Variants in SP3 observed in about 807,000 individuals in gnomAD.
SP3 encodes Sp3 transcription factor.
SP3 carries 10 observed loss-of-function variants against 70.3 expected under a neutral mutation model. That is an observed-to-expected ratio of 0.14 (90% CI 0.09 to 0.24). SP3 has a LOEUF of 0.24. Ranked by LOEUF, SP3 falls within the 10% of genes least tolerant of loss-of-function variation. SP3 has a pLI of 1.00. For synonymous variants in SP3, 402 were observed against 333.5 expected, an observed-to-expected ratio of 1.21 and a Z score of -2.24; for missense variants, 825 against 914.6, an observed-to-expected ratio of 0.90 and a Z score of 1.26.
At chr2:173,912,727 G>A (rs965729274) in intron 6 of SP3, among the ~76,000 whole-genome samples, 6 of 145,214 alleles carry the variant, frequency 4.1e-5, no homozygotes, top group Non-Finnish European at 9.3e-5. Flanking sequence ...ACAGTGTTAA[G>A]AGGAAAGAAA....
At chr2:173,918,373 T>G (rs1325328845) in intron 5 of SP3, among the ~76,000 whole-genome samples, 3 of 152,132 alleles carry the variant, frequency 2.0e-5, no homozygotes, top group African/African-American at 7.2e-5. Context: ...GCTGTACTAT[T>G]TTTGAAACAG....
intron 2 of SP3, chr2:173,964,202 G>A (rs1343131127): frequency 1.3e-5 from 6 of 467,926 alleles, no homozygotes; most frequent in Non-Finnish European, 1.9e-5. Context: ...CGCACAAAAA[G>A]GCGGCAGGCG....
Position 173,904,566 on chromosome 2 carries a change from TTGAA to T in SP3, c.*5371_*5374del, listed in dbSNP as rs1272778212. On this transcript the variant is annotated 3_prime_UTR_variant, in exon 7 of 7. Coordinates refer to ENST00000310015, the MANE Select transcript of SP3 (RefSeq NM_003111.5). ...AAGCCATTTTCTTTTTCTTCTGGGGTTGAATGTCATCTTTGCTTTCTCTGCCTCC... is the reference window on the plus strand; with the variant it reads ...AAGCCATTTTCTTTTTCTTCTGGGGTTGTCATCTTTGCTTTCTCTGCCTCC... 6.6e-6 allele frequency among the ~76,000 whole-genome samples: 1 copy of T among 152,132 alleles called. No homozygotes were observed. Among genetic ancestry groups the T allele is most frequent in the Admixed American group, 6.5e-5 (1 of 15,276 alleles).
chr2:173,919,528 T>C (rs559649017), intron 4 of SP3, among the ~76,000 whole-genome samples: 2 of 152,270 alleles, frequency 1.3e-5, no homozygotes, highest in East Asian at 3.9e-4. Flanking sequence ...CTAGTTATTC[T>C]TAGAAATCCA....
At chr2:173,962,160 G>C (rs959699618) in intron 3 of SP3, among the ~76,000 whole-genome samples, 1 of 152,004 alleles carries the variant, frequency 6.6e-6, no homozygotes, top group Non-Finnish European at 1.5e-5. Flanking sequence ...GGCTAAGGTT[G>C]GAGACAGTAT....
At chr2:173,954,622 AAAATT>A (rs1219803523) in intron 4 of SP3, among the ~76,000 whole-genome samples, 1 of 152,214 alleles carries the variant, frequency 6.6e-6, no homozygotes, top group Non-Finnish European at 1.5e-5. Context: ...AAACAAATAT[AAAATT>A]AAGAAAAAAC....
intron 3 of SP3, among the ~76,000 whole-genome samples, chr2:173,961,651 T>A (rs965575920): frequency 6.6e-6 from 1 of 152,212 alleles, no homozygotes; most frequent in African/African-American, 2.4e-5. Flanking sequence ...TTCTATAAAT[T>A]TAAAATTATT....
Position 173,955,958 on chromosome 2 carries a change from T to C in SP3, c.554A>G (p.Gln185Arg), listed in dbSNP as rs1364534537. 1 of 1,614,210 alleles carries C rather than the reference T, an allele frequency of 6.2e-7. No homozygotes were observed. The highest frequency in any genetic ancestry group is 1.7e-5 in the Admixed American group (1 of 60,026). Residue 185 changes from glutamine (Q) to arginine (R), a missense_variant, in exon 4 of 7, where the codon CAA (glutamine) becomes CGA (arginine). Gln to Arg is a conservative substitution (Grantham distance 43, BLOSUM62 1). Around this residue, in one of 4 missense-constraint regions of SP3, gnomAD observed 678 missense variants for 651.6 expected, o/e 1.04. Coordinates refer to ENST00000310015, the MANE Select transcript of SP3 (RefSeq NM_003111.5). ...ATCTGAAGAGCCTGTGAAACCAATT[T>C]GAACCTGCTGACCATCTGCTGACTG... is the stretch of plus-strand genomic sequence containing the variant. ...QIQSADGQQV[Q>R]IGFTGSSDNG...
chr2:173,908,240 C>CA lies in SP3; in HGVS notation c.*1700dup, dbSNP rs1040394696. 2.0e-5 allele frequency: 3 copies of CA among 151,846 alleles called. No individual in the cohort carries two copies. The highest frequency in any genetic ancestry group is 7.3e-5 in the African/African-American group (3 of 41,358). 9.4% of individuals were successfully genotyped at this position (151,846 alleles called of 1,614,324 possible). Reference sequence around the variant, plus strand: ...TTCTGCATTGCTTTAAAACGGAAAACAAAAAAATTGCAAAATGGTACTGAT... The same window carrying CA: ...TTCTGCATTGCTTTAAAACGGAAAACAAAAAAAATTGCAAAATGGTACTGAT... On this transcript the variant is annotated 3_prime_UTR_variant, in exon 7 of 7. Transcript: ENST00000310015.
intron 4 of SP3, among the ~76,000 whole-genome samples, chr2:173,920,029 A>T (rs1025485387): frequency 1.3e-5 from 2 of 152,156 alleles, no homozygotes; most frequent in African/African-American, 4.8e-5. Flanking sequence ...ATGAACATTA[A>T]CAACAACTTA....
chr2:173,910,498 A>T (rs1689448579), intron 6 of SP3, among the ~76,000 whole-genome samples: 1 of 152,150 alleles, frequency 6.6e-6, no homozygotes, highest in African/African-American at 2.4e-5. Flanking sequence ...TATATAATAG[A>T]TGGATATTCA....
At chr2:173,923,883 C>T (rs1689832810) in intron 4 of SP3, among the ~76,000 whole-genome samples, 1 of 151,966 alleles carries the variant, frequency 6.6e-6, no homozygotes, top group Non-Finnish European at 1.5e-5. Context: ...TACAATATCT[C>T]ATGTATTATA....
intron 6 of SP3, among the ~76,000 whole-genome samples, chr2:173,910,951 G>T (rs112425517): frequency 6.6e-6 from 1 of 152,068 alleles, no homozygotes. Flanking sequence ...GACTCTGCAA[G>T]ATTACCAAAA....
chr2:173,935,393 A>G (rs1044629385), intron 4 of SP3, among the ~76,000 whole-genome samples: 1 of 152,196 alleles, frequency 6.6e-6, no homozygotes, highest in African/African-American at 2.4e-5. Flanking sequence ...TAGTAAGACA[A>G]AACCAAAACC....
chr2:173,947,881 A>G (rs1255510676), intron 4 of SP3, among the ~76,000 whole-genome samples: 2 of 152,174 alleles, frequency 1.3e-5, no homozygotes, highest in Non-Finnish European at 2.9e-5. Context: ...AATACTGGCT[A>G]TATCACAAAT....
chr2:173,960,680 C>T (rs1574428226), intron 3 of SP3, among the ~76,000 whole-genome samples: 1 of 152,144 alleles, frequency 6.6e-6, no homozygotes, highest in Non-Finnish European at 1.5e-5. Context: ...ATAATAGTCA[C>T]TTATTTTAGG....
chr2:173,928,781 T>C (rs1193943349), intron 4 of SP3, among the ~76,000 whole-genome samples: 1 of 152,204 alleles, frequency 6.6e-6, no homozygotes, highest in African/African-American at 2.4e-5. Context: ...TCACAAAGAA[T>C]AAAAGCCAAA....
chr2:173,929,603 T>C lies in SP3; in HGVS notation c.1640-10818A>G, dbSNP rs189464829. Reference sequence around the variant, plus strand: ...CAATTCATAAGCCAGGCTGAACAGATTGTGCAAGGGCTCTCTGTCCTGGAA... The same window carrying C: ...CAATTCATAAGCCAGGCTGAACAGACTGTGCAAGGGCTCTCTGTCCTGGAA... On this transcript the variant is annotated intron_variant, in intron 4 of 6. Transcript: ENST00000310015. Among the ~76,000 whole-genome samples, 868 of 152,252 alleles carry C rather than the reference T, an allele frequency of 5.7e-3. 8 individuals are homozygous for C. The highest frequency in any genetic ancestry group is 0.041 in the South Asian group (200 of 4,830).
At chr2:173,942,443 G>A (rs553462339) in intron 4 of SP3, among the ~76,000 whole-genome samples, 1 of 152,208 alleles carries the variant, frequency 6.6e-6, no homozygotes, top group Non-Finnish European at 1.5e-5. Context: ...GCGCATGCCT[G>A]TAATCCCAGC....
Sources: gnomAD v4.1 joint callset for allele counts (sites outside exome capture counted in the v4.1 genomes callset) on GRCh38, gnomAD v4.1.1 for gene constraint, gnomAD v4.1.1 regional missense constraint, MANE v1.5 for transcripts, NCBI Gene and HGNC (gene_info 2026-07-23, HGNC 2026-07-21) for gene names.